The following FOXK2 variants were observed in gnomAD, a reference collection of about 807,000 sequenced individuals.
FOXK2 encodes forkhead box K2, also known as forkhead box protein K2.
A neutral mutation model predicts 53.3 loss-of-function variants in FOXK2; 24 were observed. The observed-to-expected ratio is 0.45, with a 90% CI of 0.33 to 0.63. The LOEUF is 0.63. FOXK2 is among the 30% of genes least tolerant of loss of function. The pLI, the probability that FOXK2 is intolerant of heterozygous loss-of-function variation, is 0.03. For missense variants in FOXK2, 952 were observed against 910.5 expected (o/e 1.05, Z -0.59); for synonymous variants, 505 against 407.1 (o/e 1.24, Z -2.89).
At chr17:82,559,567 G>GT (rs2044770963) in intron 1 of FOXK2, 1 of 445,068 alleles carries the variant, frequency 2.2e-6, no homozygotes, top group Non-Finnish European at 4.6e-6. Flanking sequence ...GAGATGATGG[G>GT]TGGGAGTCTA....
rs753485863 is a variant in FOXK2, at chr17:82,587,244, C to T, written c.1758C>T (p.Pro586=). ...ACGGCACTCACGTGGCATCAGTCCC[C>T]ACTGCGGTCCACGGCCAGGTGAACA... is the stretch of plus-strand genomic sequence containing the variant. ...TQNGTHVASV[P]TAVHGQVNNA... Residue 586 remains proline, a synonymous_variant, in exon 8 of 9, where the codon CCC becomes CCT. Coordinates refer to ENST00000335255, the MANE Select transcript of FOXK2 (RefSeq NM_004514.4). 6.2e-7 allele frequency: 1 copy of T among 1,612,932 alleles called. No homozygotes were observed. The highest frequency in any genetic ancestry group is 1.1e-5 in the South Asian group (1 of 91,074).
At chr17:82,550,814 C>G (rs2044669892) in intron 1 of FOXK2, among the ~76,000 whole-genome samples, 1 of 152,058 alleles carries the variant, frequency 6.6e-6, no homozygotes, top group Non-Finnish European at 1.5e-5. Flanking sequence ...CTGAGGTGGG[C>G]TTTGTGCAGC....
intron 8 of FOXK2, chr17:82,595,927 A>G (rs1344817148): frequency 3.9e-6 from 5 of 1,266,368 alleles, no homozygotes; most frequent in Non-Finnish European, 5.1e-6. Flanking sequence ...CTGGGATGAG[A>G]AACGACAGGT....
chr17:82,551,678 AAAAAAT>A (rs2044678535), intron 1 of FOXK2, among the ~76,000 whole-genome samples: 2 of 152,160 alleles, frequency 1.3e-5, no homozygotes, highest in Non-Finnish European at 2.9e-5. Context: ...GAGTCTATCT[AAAAAAT>A]AAAAATAAAA....
At chr17:82,601,141 G>A in intron 8 of FOXK2, 162 bp from the exon 9 acceptor site, 1 of 755,084 alleles carries the variant, frequency 1.3e-6, no homozygotes, top group Non-Finnish European at 2.1e-6. Context: ...GGGGTCTTGT[G>A]GGAGCCTCCG....
chr17:82,553,774 G>A (rs978412916), intron 1 of FOXK2, among the ~76,000 whole-genome samples: 5 of 152,162 alleles, frequency 3.3e-5, no homozygotes, highest in South Asian at 2.1e-4. Context: ...TGTCCCAGAC[G>A]GACGTTTGTC....
chr17:82,587,001 C>T (rs912744066), intron 7 of FOXK2, 62 bp from the exon 8 acceptor site: 3 of 1,523,680 alleles, frequency 2.0e-6, no homozygotes, highest in Admixed American at 1.7e-5. Flanking sequence ...ATGTTTTAAA[C>T]TGGCAAGATT....
intron 2 of FOXK2, among the ~76,000 whole-genome samples, chr17:82,566,408 T>C (rs1199411331): frequency 6.6e-6 from 1 of 152,140 alleles, no homozygotes; most frequent in Non-Finnish European, 1.5e-5. Flanking sequence ...CCATTGCTCC[T>C]TTGCTGAGAG....
chr17:82,539,549 T>G (rs1355799815), intron 1 of FOXK2, among the ~76,000 whole-genome samples: 2 of 152,024 alleles, frequency 1.3e-5, no homozygotes, highest in Non-Finnish European at 2.9e-5. Context: ...CTTTGGAGGC[T>G]GAGGTGGGAG....
chr17:82,525,865 T>A (rs916615869), intron 1 of FOXK2, among the ~76,000 whole-genome samples: 4 of 152,196 alleles, frequency 2.6e-5, no homozygotes, highest in East Asian at 3.9e-4. Flanking sequence ...TTCCACACTT[T>A]CTTTCTTACG....
Position 82,585,904 on chromosome 17 carries a change from G to T in FOXK2, c.1280G>T (p.Gly427Val), listed in dbSNP as rs753144783. ...TCAGTCCTGCTGTGTCTTTCACCAG[G>T]GTCACCTCTGTCCAGTCAGCCAGTC... The part of the protein sequence containing the change: ...QEARFAQSAP[G>V]SPLSSQPVLI... The change falls in exon 7 of 9, where the codon GGG becomes GTG. Residue 427 changes from glycine (G) to valine (V), a missense_variant and splice_region_variant. Gly to Val is a moderately radical substitution (Grantham distance 109, BLOSUM62 -3). This residue lies in a region of FOXK2 where 551 missense variants were observed against 385.1 expected (regional missense o/e 1.43). Transcript: ENST00000335255. The T allele has an allele frequency of 6.2e-7, 1 of 1,607,862 alleles. No homozygotes were observed. The highest frequency in any genetic ancestry group is 8.5e-7 in the Non-Finnish European group (1 of 1,175,986).
At chr17:82,544,908 G>A (rs919720768) in intron 1 of FOXK2, among the ~76,000 whole-genome samples, 2 of 151,982 alleles carry the variant, frequency 1.3e-5, no homozygotes, top group Non-Finnish European at 2.9e-5. Flanking sequence ...AGGTCCCGGG[G>A]GCGCACCCTC....
Position 82,587,053 on chromosome 17 carries a change from T to C in FOXK2, c.1577-10T>C. ...TAATATTAATGTCGTTTCTTTTCCT[T>C]TAATTTCAGTGAAAGTAGAGCCTAT... On this transcript the variant is annotated splice_polypyrimidine_tract_variant and intron_variant, in intron 7 of 8. Coordinates refer to ENST00000335255, the MANE Select transcript of FOXK2 (RefSeq NM_004514.4). 2 of 1,611,498 alleles carry C rather than the reference T, an allele frequency of 1.2e-6. No homozygotes were observed. The highest frequency in any genetic ancestry group is 1.7e-6 in the Non-Finnish European group (2 of 1,179,326).
intron 1 of FOXK2, among the ~76,000 whole-genome samples, chr17:82,558,330 C>A (rs1431312567): frequency 6.6e-6 from 1 of 152,152 alleles, no homozygotes; most frequent in Non-Finnish European, 1.5e-5. Context: ...GGAGCGAGAC[C>A]CTGCCTGAAA....
At chr17:82,591,017 C>T (rs2045248207) in intron 8 of FOXK2, among the ~76,000 whole-genome samples, 1 of 152,188 alleles carries the variant, frequency 6.6e-6, no homozygotes, top group Non-Finnish European at 1.5e-5. Context: ...CTGTGGGACC[C>T]GGGGCTCAGG....
At position 82,523,541 on chromosome 17, in the gene FOXK2, C is replaced by T. The variant is rs569856241; in HGVS notation, c.419+3234C>T. ...AGGCTGGAGTGCAATGGTATGATCTCGGCTCATTGCAACCTCCGCTTCCTG... is the reference window on the plus strand; with the variant it reads ...AGGCTGGAGTGCAATGGTATGATCTTGGCTCATTGCAACCTCCGCTTCCTG... On this transcript the variant is annotated intron_variant, in intron 1 of 8. Coordinates refer to ENST00000335255, the MANE Select transcript of FOXK2 (RefSeq NM_004514.4). Among the ~76,000 whole-genome samples, 96 of 149,196 alleles carry T rather than the reference C, an allele frequency of 6.4e-4. 1 individual carries two copies. The highest frequency in any genetic ancestry group is 5.2e-3 in the Admixed American group (77 of 14,860).
chr17:82,574,390 G>A (rs1226953378), intron 4 of FOXK2, among the ~76,000 whole-genome samples: 9 of 150,182 alleles, frequency 6.0e-5, no homozygotes, highest in Non-Finnish European at 7.4e-5. Flanking sequence ...GCGCGATCTC[G>A]GCTCACTGCA....
At chr17:82,543,325 C>T (rs527319102) in intron 1 of FOXK2, among the ~76,000 whole-genome samples, 1 of 152,178 alleles carries the variant, frequency 6.6e-6, no homozygotes, top group Non-Finnish European at 1.5e-5. Flanking sequence ...AGTCATAGCT[C>T]ACTGCAGCCT....
chr17:82,522,099 G>A (rs990603631), intron 1 of FOXK2, among the ~76,000 whole-genome samples: 1 of 131,584 alleles, frequency 7.6e-6, no homozygotes, highest in Non-Finnish European at 1.6e-5. Context: ...GGAAGTTTGC[G>A]TCTACTGTGA....
Sources: gnomAD v4.1 joint callset for allele counts (sites outside exome capture counted in the v4.1 genomes callset) on GRCh38, gnomAD v4.1.1 for gene constraint, gnomAD v4.1.1 regional missense constraint, MANE v1.5 for transcripts, NCBI Gene and HGNC (gene_info 2026-07-23, HGNC 2026-07-21) for gene names.